SLCO3A1: variants seen among roughly 807,000 people sequenced by gnomAD.
SLCO3A1 encodes the protein PGE1 transporter.
A neutral mutation model predicts 63.1 loss-of-function variants in SLCO3A1; 27 were observed. The observed-to-expected ratio is 0.43, with a 90% CI of 0.32 to 0.59. The LOEUF (loss-of-function observed/expected upper bound fraction) is 0.59. SLCO3A1 is among the 20% of genes least tolerant of loss of function. The pLI is 0.09. For missense variants in SLCO3A1, 773 were observed against 945.8 expected, an observed-to-expected ratio of 0.82 and a Z score of 2.40; for synonymous variants, 473 against 409.9, an observed-to-expected ratio of 1.15 and a Z score of -1.86.
intron 1 of SLCO3A1, among the ~76,000 whole-genome samples, chr15:91,891,521 C>G (rs1371285795): frequency 6.6e-6 from 1 of 152,166 alleles, no homozygotes; most frequent in Non-Finnish European, 1.5e-5. Context: ...CTTTTCCTCC[C>G]TCTTACGTAG....
chr15:91,896,649 G>C (rs1242391530), intron 1 of SLCO3A1, among the ~76,000 whole-genome samples: 1 of 152,164 alleles, frequency 6.6e-6, no homozygotes. Context: ...TTGCTTCTCT[G>C]CCACCTTCCA....
chr15:91,968,900 T>A lies in SLCO3A1; in HGVS notation c.646+52442T>A, dbSNP rs1281932933. 1.3e-5 allele frequency among the ~76,000 whole-genome samples: 2 copies of A among 152,138 alleles called. No homozygotes were observed. The highest frequency in any genetic ancestry group is 1.9e-4 in the East Asian group (1 of 5,174). The stretch of plus-strand genomic sequence containing the variant: ...CTTTCTCTTTCCCCTACCCAGGGGA[T>A]CTGGCAAACTCGTGTTGCTCCATGT... On this transcript the variant is annotated intron_variant, in intron 2 of 9. Coordinates refer to ENST00000318445, the MANE Select transcript of SLCO3A1 (RefSeq NM_013272.4). The surrounding 1 kb of genome is among the most constrained non-coding windows in gnomAD (Gnocchi z 4.2).
chr15:92,112,865 C>T (rs966436264), intron 4 of SLCO3A1, among the ~76,000 whole-genome samples: 2 of 152,196 alleles, frequency 1.3e-5, no homozygotes, highest in African/African-American at 2.4e-5. Context: ...GGGTATTTCA[C>T]CCCCACTGTT....
intron 2 of SLCO3A1, among the ~76,000 whole-genome samples, chr15:91,951,527 A>G (rs1899998843): frequency 6.8e-6 from 1 of 146,874 alleles, no homozygotes; most frequent in South Asian, 2.2e-4. Context: ...CTCGTGTATA[A>G]TTTTCTTTGT....
chr15:91,927,371 A>T (rs1567189952), intron 2 of SLCO3A1, among the ~76,000 whole-genome samples: 1 of 152,150 alleles, frequency 6.6e-6, no homozygotes, highest in African/African-American at 2.4e-5. Flanking sequence ...TGAACTCTCA[A>T]AGTCAAAATT....
rs1474738929 is a variant in SLCO3A1 at position 91,859,274 on chromosome 15, A to G, written c.180+5186A>G. ...TTGCCTCTCGGAAATGCCTTTGGTA[A>G]TCTGTAGGCCAGAAAGATAGCATCC... On this transcript the variant is annotated intron_variant, in intron 1 of 9. Transcript: ENST00000318445. The surrounding 1 kb of genome is among the most constrained non-coding windows in gnomAD (Gnocchi z 5.1). Among the ~76,000 whole-genome samples the G allele has an allele frequency of 6.6e-6, 1 of 152,192 alleles. No individual in the cohort carries two copies. The highest frequency in any genetic ancestry group is 3.2e-3 in the Middle Eastern group (1 of 316).
intron 2 of SLCO3A1, among the ~76,000 whole-genome samples, chr15:92,071,305 T>G (rs2047213084): frequency 1.3e-5 from 2 of 152,196 alleles, no homozygotes; most frequent in South Asian, 4.1e-4. Context: ...AGAGGCCCAC[T>G]GTCTGCAGGG....
intron 2 of SLCO3A1, among the ~76,000 whole-genome samples, chr15:92,086,360 C>A (rs74030472): frequency 0.018 from 2,743 of 152,258 alleles, 80 homozygotes; most frequent in African/African-American, 0.063. Flanking sequence ...TCTCTGAATT[C>A]TAATGAGACT....
chr15:92,018,540 T>G (rs2046467100), intron 2 of SLCO3A1, among the ~76,000 whole-genome samples: 1 of 152,172 alleles, frequency 6.6e-6, no homozygotes, highest in Non-Finnish European at 1.5e-5. Context: ...GATTGGAAGC[T>G]CTGCATTTCA....
chr15:92,135,736 TGTG>T (rs1031028724), intron 7 of SLCO3A1, among the ~76,000 whole-genome samples: 2 of 152,332 alleles, frequency 1.3e-5, no homozygotes, highest in South Asian at 4.1e-4. Context: ...CCCACTTTAT[TGTG>T]GTGGTGTCCC....
chr15:91,888,206 AC>A (rs776432553), intron 1 of SLCO3A1, among the ~76,000 whole-genome samples: 1 of 152,158 alleles, frequency 6.6e-6, no homozygotes, highest in Non-Finnish European at 1.5e-5. Context: ...GGAAGTCAAT[AC>A]TTTCTTTGCA....
intron 1 of SLCO3A1, among the ~76,000 whole-genome samples, chr15:91,857,029 CGTG>C (rs1896937753): frequency 7.2e-6 from 1 of 139,028 alleles, no homozygotes; most frequent in Non-Finnish European, 1.6e-5. Flanking sequence ...AAGGAGGACT[CGTG>C]TGTGTGTGTG....
chr15:92,081,431 G>A (rs1268175780), intron 2 of SLCO3A1, among the ~76,000 whole-genome samples: 1 of 151,516 alleles, frequency 6.6e-6, no homozygotes, highest in African/African-American at 2.4e-5. Context: ...GCTCACTGGT[G>A]CGATCTTGGC....
At position 91,854,627 on chromosome 15, in the gene SLCO3A1, T is replaced by C. The variant is rs1896866486; in HGVS notation, c.180+539T>C. 6.6e-6 allele frequency among the ~76,000 whole-genome samples: 1 copy of C among 151,968 alleles called. No individual in the cohort carries two copies. ...GCTTAGAGTGAAATGCGCCCTAGTG[T>C]GGCCCTGGCCTGAGCCGGGGCTGCA... On this transcript the variant is annotated intron_variant, in intron 1 of 9. Transcript: ENST00000318445. This position sits in a 1 kb window ranked among gnomAD's most constrained non-coding sequence, Gnocchi z 6.4.
intron 8 of SLCO3A1, among the ~76,000 whole-genome samples, chr15:92,147,787 C>T (rs1234890355): frequency 2.6e-5 from 4 of 152,106 alleles, no homozygotes; most frequent in African/African-American, 9.7e-5. Context: ...TGAAGTGCCT[C>T]AAAGAAAGAT....
At chr15:91,905,080 C>T (rs1898261355) in intron 1 of SLCO3A1, among the ~76,000 whole-genome samples, 1 of 152,196 alleles carries the variant, frequency 6.6e-6, no homozygotes, top group Admixed American at 6.5e-5. Context: ...CACATCATTG[C>T]TCTCACATGG....
At chr15:91,953,853 T>G (rs1162767848) in intron 2 of SLCO3A1, among the ~76,000 whole-genome samples, 1 of 152,108 alleles carries the variant, frequency 6.6e-6, no homozygotes, top group East Asian at 1.9e-4. Context: ...AACAGTGTCT[T>G]GTGTTGATTC....
rs797000748 is a variant in SLCO3A1, at chr15:91,882,660, G to T, written c.180+28572G>T. On this transcript the variant is annotated intron_variant, in intron 1 of 9. Transcript: ENST00000318445. This position sits in a 1 kb window ranked among gnomAD's most constrained non-coding sequence, Gnocchi z 4.4. ...CTCCCGAGTAGCTGGGACCACAGGC[G>T]TATGCACCACCACCACGTCCAGCTA... Among the ~76,000 whole-genome samples the T allele has an allele frequency of 6.6e-6, 1 of 152,060 alleles. No individual in the cohort carries two copies. Among genetic ancestry groups the T allele is most frequent in the Admixed American group, 6.6e-5 (1 of 15,258 alleles).
In SLCO3A1 at chr15:92,140,496, G is replaced by A. The variant is rs12902354; in HGVS notation, c.1513-6488G>A. Among the ~76,000 whole-genome samples, 12 of 151,708 alleles carry A rather than the reference G, an allele frequency of 7.9e-5. 1 individual carries two copies. The highest frequency in any genetic ancestry group is 2.0e-4 in the Admixed American group (3 of 15,220). ...AGTTCTGTAGATGTCTATTAGGTCC[G>A]CTTGGTGCAGAGCTGAGTTCAATTC... On this transcript the variant is annotated intron_variant, in intron 7 of 9. Transcript: ENST00000318445.
Sources: allele counts gnomAD v4.1 joint callset (sites outside exome capture counted in the v4.1 genomes callset), GRCh38; gene constraint gnomAD v4.1.1; non-coding constraint Gnocchi (gnomAD v3.1); transcripts MANE v1.5; gene names NCBI Gene and HGNC (gene_info 2026-07-23, HGNC 2026-07-21).